TUBD1: variants seen among roughly 807,000 people sequenced by gnomAD.
The protein encoded by TUBD1 is tubulin delta chain.
Under a neutral mutation model 51.2 loss-of-function variants are expected in TUBD1, and 38 were observed. That is an observed-to-expected ratio of 0.74 (90% CI 0.57 to 0.97). The LOEUF is 0.97. Ranked by LOEUF, TUBD1 falls within the 50% of genes least tolerant of loss-of-function variation. TUBD1 has a pLI of 0.00. For synonymous variants in TUBD1, 169 were observed against 178.2 expected (o/e 0.95, Z 0.41); for missense variants, 489 against 538.4 (o/e 0.91, Z 0.91).
chr17:59,872,648 A>T (rs1568297207), intron 6 of TUBD1, among the ~76,000 whole-genome samples: 2 of 123,760 alleles, frequency 1.6e-5, no homozygotes, highest in African/African-American at 6.2e-5. Context: ...ATGTGTGAGT[A>T]TGTGTGTGAG....
chr17:59,883,911 A>G (rs901262200), intron 3 of TUBD1, among the ~76,000 whole-genome samples: 8 of 152,088 alleles, frequency 5.3e-5, no homozygotes, highest in Admixed American at 2.0e-4. Flanking sequence ...CTACAAGTTT[A>G]TGATACAGTA....
At chr17:59,882,880 G>A (rs1348789657) in intron 3 of TUBD1, among the ~76,000 whole-genome samples, 1 of 151,972 alleles carries the variant, frequency 6.6e-6, no homozygotes, top group Non-Finnish European at 1.5e-5. Context: ...TGCCACTTGG[G>A]TTCAAGTGAT....
intron 8 of TUBD1, among the ~76,000 whole-genome samples, chr17:59,861,568 A>G (rs2039446507): frequency 1.3e-5 from 2 of 152,170 alleles, no homozygotes; most frequent in Non-Finnish European, 2.9e-5. Context: ...CATGAATTAA[A>G]TTGACATAAT....
intron 6 of TUBD1, among the ~76,000 whole-genome samples, chr17:59,868,811 T>TG (rs1288037442): frequency 1.3e-5 from 2 of 151,790 alleles, no homozygotes; most frequent in Non-Finnish European, 2.9e-5. Context: ...CACTCCAGCC[T>TG]GGCGACGGAG....
chr17:59,863,920 TTTC>T (rs2039580305), intron 7 of TUBD1, 73 bp from the exon 8 acceptor site: 1 of 1,227,888 alleles, frequency 8.1e-7, no homozygotes, highest in Admixed American at 3.4e-5. Flanking sequence ...AAACAGATAT[TTTC>T]TTGTCTATTT....
At chr17:59,885,344 G>A in intron 3 of TUBD1, 2 of 692,716 alleles carry the variant, frequency 2.9e-6, no homozygotes, top group Non-Finnish European at 5.3e-6. Flanking sequence ...ATGTATACCA[G>A]GAATATGTCC....
rs1253960768 is a variant in TUBD1 at position 59,866,615 on chromosome 17, CTGCACTT to C, written c.1062_1068del (p.Ser355MetfsTer15). 6.2e-7 allele frequency: 1 copy of C among 1,613,848 alleles called. No homozygotes were observed. The highest frequency in any genetic ancestry group is 8.5e-7 in the Non-Finnish European group (1 of 1,179,982). ...TTTCACCTGAATTTCTTACCCACAT[CTGCACTT>C]TGCACATCTTTCCCACGAAGAATGA... On this transcript the variant is annotated frameshift_variant, in exon 7 of 9. Coordinates refer to ENST00000325752, the MANE Select transcript of TUBD1 (RefSeq NM_016261.4). LOFTEE classifies it high-confidence loss of function.
At chr17:59,883,734 G>A (rs761129977) in intron 3 of TUBD1, among the ~76,000 whole-genome samples, 7 of 151,402 alleles carry the variant, frequency 4.6e-5, no homozygotes, top group Non-Finnish European at 8.8e-5. Flanking sequence ...AAATTTTTTC[G>A]TAGCGATAGG....
rs569851599 is a variant in TUBD1, at chr17:59,860,161, A to G, written c.*161T>C. ...CTCCCGAGTAGCTGGGACTACAGGC[A>G]CCCGCCACCGCGCCTGGCTAATTTT... On this transcript the variant is annotated 3_prime_UTR_variant, in exon 9 of 9. Transcript: ENST00000325752. The G allele has an allele frequency of 5.7e-4, 294 of 515,726 alleles. 2 individuals are homozygous for G. Among genetic ancestry groups the G allele is most frequent in the African/African-American group, 5.4e-3 (272 of 50,642 alleles). 31.9% of individuals were successfully genotyped at this position (515,726 alleles called of 1,614,324 possible).
chr17:59,861,874 G>A (rs1276263590), intron 8 of TUBD1, among the ~76,000 whole-genome samples: 2 of 151,452 alleles, frequency 1.3e-5, no homozygotes, highest in South Asian at 4.2e-4. Context: ...CACCATGTTG[G>A]CCAGGCTGGT....
chr17:59,866,605 T>C lies in TUBD1; in HGVS notation c.1075+4A>G. 6.2e-7 allele frequency: 1 copy of C among 1,612,708 alleles called. No individual in the cohort carries two copies. The highest frequency in any genetic ancestry group is 8.5e-7 in the Non-Finnish European group (1 of 1,179,662). On this transcript the variant is annotated splice_donor_region_variant and intron_variant, in intron 7 of 8. Coordinates refer to ENST00000325752, the MANE Select transcript of TUBD1 (RefSeq NM_016261.4). The stretch of plus-strand genomic sequence containing the variant: ...AAATCTTAATTTTCACCTGAATTTC[T>C]TACCCACATCTGCACTTTGCACATC...
intron 7 of TUBD1, among the ~76,000 whole-genome samples, chr17:59,866,248 T>A (rs1422635259): frequency 6.7e-6 from 1 of 149,752 alleles, no homozygotes; most frequent in Non-Finnish European, 1.5e-5. Flanking sequence ...TTTTTTTTTT[T>A]AATAGAGACA....
intron 3 of TUBD1, among the ~76,000 whole-genome samples, chr17:59,882,176 C>T (rs532745501): frequency 1.5e-4 from 23 of 151,452 alleles, no homozygotes; most frequent in Non-Finnish European, 2.4e-4. Flanking sequence ...TCTCCCAAAG[C>T]GCTGGAATTA....
intron 6 of TUBD1, among the ~76,000 whole-genome samples, chr17:59,872,769 ATTTTT>A (rs1173662832): frequency 1.8e-4 from 24 of 135,320 alleles, no homozygotes; most frequent in Non-Finnish European, 3.2e-4. Flanking sequence ...TCAATTCTCA[ATTTTT>A]TTTTTTTTTG....
intron 8 of TUBD1, among the ~76,000 whole-genome samples, chr17:59,862,623 T>G (rs1451400746): frequency 6.7e-6 from 1 of 150,322 alleles, no homozygotes; most frequent in African/African-American, 2.4e-5. Flanking sequence ...CTCTGCAACC[T>G]CCACCTCCTG....
In TUBD1 at chr17:59,863,671, C is replaced by A; in HGVS notation, c.1252G>T (p.Ala418Ser). The stretch of plus-strand genomic sequence containing the variant: ...GACTTATTTTATACTTACTTTGAAG[C>A]AAACATATTCCATGCCTTCCCAACA... ...MIVGKAWNMFASKAYIHQYTK... is the reference protein window; with the variant it reads ...MIVGKAWNMFSSKAYIHQYTK... The change falls in exon 8 of 9, where the codon GCT becomes TCT. Residue 418 changes from alanine to serine, a missense_variant. By Grantham distance (99) the Ala-to-Ser change is moderately conservative (BLOSUM62 1). Coordinates refer to ENST00000325752, the MANE Select transcript of TUBD1 (RefSeq NM_016261.4). The A allele has an allele frequency of 1.9e-6, 3 of 1,540,412 alleles. No homozygotes were observed. The highest frequency in any genetic ancestry group is 2.6e-6 in the Non-Finnish European group (3 of 1,150,574).
At chr17:59,861,891 C>G (rs1489252813) in intron 8 of TUBD1, among the ~76,000 whole-genome samples, 2 of 151,452 alleles carry the variant, frequency 1.3e-5, no homozygotes, top group Non-Finnish European at 2.9e-5. Context: ...TGGTCTCAAA[C>G]TCCTGATCTT....
chr17:59,881,740 G>A (rs374165956), intron 3 of TUBD1, among the ~76,000 whole-genome samples: 2 of 151,866 alleles, frequency 1.3e-5, no homozygotes, highest in Non-Finnish European at 2.9e-5. Context: ...ACAATGGCGC[G>A]ATCTCGGCTC....
intron 6 of TUBD1, 87 bp downstream of exon 6, chr17:59,874,452 A>T: frequency 7.4e-7 from 1 of 1,355,298 alleles, no homozygotes; most frequent in Non-Finnish European, 1.0e-6. Context: ...ACCATTATTT[A>T]AACTGGTCCA....
Sources: gnomAD v4.1 joint callset for allele counts (sites outside exome capture counted in the v4.1 genomes callset) on GRCh38, gnomAD v4.1.1 for gene constraint, MANE v1.5 for transcripts, NCBI Gene and HGNC (gene_info 2026-07-23, HGNC 2026-07-21) for gene names.